The following AKAP6 variants were observed in gnomAD, a reference collection of about 807,000 sequenced individuals.
AKAP6 encodes A-kinase anchor protein 6.
AKAP6 carries 58 observed loss-of-function variants against 188.5 expected under a neutral mutation model. The observed-to-expected ratio is 0.31, with a 90% confidence interval of 0.25 to 0.38. The LOEUF (loss-of-function observed/expected upper bound fraction) is 0.38. Ranked by LOEUF, AKAP6 falls within the 10% of genes least tolerant of loss-of-function variation. AKAP6 has a pLI of 1.00. For missense variants in AKAP6, 2,710 were observed against 2,740.0 expected (o/e 0.99, Z 0.24); for synonymous variants, 989 against 998.6 (o/e 0.99, Z 0.18).
At chr14:32,385,828 G>GAT (rs1180904235) in intron 1 of AKAP6, among the ~76,000 whole-genome samples, 6 of 149,526 alleles carry the variant, frequency 4.0e-5, no homozygotes, top group Non-Finnish European at 7.4e-5. Flanking sequence ...TATATATGGT[G>GAT]ATATATATAG....
intron 7 of AKAP6, among the ~76,000 whole-genome samples, chr14:32,633,184 C>T (rs1351743435): frequency 6.6e-6 from 1 of 152,062 alleles, no homozygotes; most frequent in Non-Finnish European, 1.5e-5. Context: ...CAGTCTTTGA[C>T]AGATTTTTAA....
chr14:32,382,019 G>A (rs766456182), intron 1 of AKAP6, among the ~76,000 whole-genome samples: 3 of 152,028 alleles, frequency 2.0e-5, no homozygotes, highest in African/African-American at 7.3e-5. Flanking sequence ...TCTTACCTTT[G>A]GTGTGTTACT....
rs76803834 is a variant in AKAP6 at position 32,623,769 on chromosome 14, T to A, written c.2730+22977T>A. Among the ~76,000 whole-genome samples the A allele has an allele frequency of 1.9e-3, 292 of 152,242 alleles. 8 individuals carry two copies. The East Asian group carries it at 0.045, about 24-fold the overall frequency. On this transcript the variant is annotated intron_variant, in intron 7 of 13. Coordinates refer to ENST00000280979, the MANE Select transcript of AKAP6 (RefSeq NM_004274.5). ...GCATATATGGCCAGGTCTTTAAACTTCCAGTTCATAAAGCCGTATTCCTTG... is the reference window on the plus strand; with the variant it reads ...GCATATATGGCCAGGTCTTTAAACTACCAGTTCATAAAGCCGTATTCCTTG...
At chr14:32,569,309 G>C (rs185661578) in intron 4 of AKAP6, among the ~76,000 whole-genome samples, 1 of 152,166 alleles carries the variant, frequency 6.6e-6, no homozygotes, top group African/African-American at 2.4e-5. Context: ...TTCATTGGGC[G>C]TTTCAGTATT....
intron 9 of AKAP6, among the ~76,000 whole-genome samples, chr14:32,718,889 A>C (rs2139778904): frequency 6.6e-6 from 1 of 152,230 alleles, no homozygotes; most frequent in Admixed American, 6.5e-5. Context: ...CTACATTTAA[A>C]CCATAATGCT....
intron 2 of AKAP6, among the ~76,000 whole-genome samples, chr14:32,455,194 C>T (rs987283128): frequency 1.3e-5 from 2 of 151,748 alleles, no homozygotes; most frequent in African/African-American, 4.8e-5. Context: ...GTTGCCCAGG[C>T]TGGTCTCAAG....
intron 11 of AKAP6, among the ~76,000 whole-genome samples, chr14:32,740,966 TTAA>T (rs1299672496): frequency 6.6e-6 from 1 of 151,954 alleles, no homozygotes; most frequent in African/African-American, 2.4e-5. Flanking sequence ...TATGGATGTT[TTAA>T]TAATATTGAT....
intron 2 of AKAP6, among the ~76,000 whole-genome samples, chr14:32,440,158 T>C (rs938225905): frequency 2.6e-5 from 4 of 152,192 alleles, no homozygotes; most frequent in African/African-American, 9.6e-5. Context: ...GCTTCATCCA[T>C]GTCCCTACAA....
intron 2 of AKAP6, among the ~76,000 whole-genome samples, chr14:32,476,237 A>G (rs1221894442): frequency 6.6e-6 from 1 of 152,192 alleles, no homozygotes; most frequent in Non-Finnish European, 1.5e-5. Flanking sequence ...AGTGACAAAA[A>G]TTCTGACCTC....
chr14:32,514,736 A>G (rs779323161), intron 2 of AKAP6, among the ~76,000 whole-genome samples: 7 of 152,224 alleles, frequency 4.6e-5, no homozygotes, highest in Non-Finnish European at 8.8e-5. Context: ...AAAAAGCAAC[A>G]GGTGGTATAG....
chr14:32,349,152 G>A (rs1018721630), intron 1 of AKAP6, among the ~76,000 whole-genome samples: 1 of 152,182 alleles, frequency 6.6e-6, no homozygotes, highest in Non-Finnish European at 1.5e-5. Context: ...GATCTGTAGG[G>A]CAATGGCCAT....
At chr14:32,491,900 T>C (rs1386807477) in intron 2 of AKAP6, among the ~76,000 whole-genome samples, 1 of 152,134 alleles carries the variant, frequency 6.6e-6, no homozygotes, top group Non-Finnish European at 1.5e-5. Context: ...TTTAACTAAA[T>C]CATTTTAATT....
At chr14:32,539,368 C>T (rs1324319681) in intron 3 of AKAP6, among the ~76,000 whole-genome samples, 1 of 152,092 alleles carries the variant, frequency 6.6e-6, no homozygotes, top group African/African-American at 2.4e-5. Flanking sequence ...CACAACATAG[C>T]ACTTTGTGGG....
chr14:32,698,915 C>T (rs141789541), intron 9 of AKAP6, among the ~76,000 whole-genome samples: 180 of 152,118 alleles, frequency 1.2e-3, no homozygotes, highest in Admixed American at 9.2e-3. Context: ...AGAGCAGGAC[C>T]GAATCTTTAT....
chr14:32,563,112 T>G (rs747672718), intron 4 of AKAP6, among the ~76,000 whole-genome samples: 27 of 152,230 alleles, frequency 1.8e-4, no homozygotes, highest in Non-Finnish European at 3.2e-4. Flanking sequence ...TAGATGGAAC[T>G]CCACAGTAAA....
At chr14:32,573,234 G>T (rs1884572708) in intron 4 of AKAP6, among the ~76,000 whole-genome samples, 1 of 152,188 alleles carries the variant, frequency 6.6e-6, no homozygotes, top group Non-Finnish European at 1.5e-5. Flanking sequence ...GCCTTTCAAA[G>T]GTTTGTAATT....
At chr14:32,637,123 C>G (rs1338989348) in intron 7 of AKAP6, among the ~76,000 whole-genome samples, 2 of 152,026 alleles carry the variant, frequency 1.3e-5, no homozygotes, top group Non-Finnish European at 2.9e-5. Flanking sequence ...ACTGTGTACT[C>G]CATAGGTTGT....
Position 32,830,661 on chromosome 14 carries a change from G to C in AKAP6, c.*856G>C, listed in dbSNP as rs1040602033. Reference sequence around the variant, plus strand: ...ATGTGTGAATAATTTCTGTATATATGTATAACCAAGTACAAACATTGATGT... The same window carrying C: ...ATGTGTGAATAATTTCTGTATATATCTATAACCAAGTACAAACATTGATGT... On this transcript the variant is annotated 3_prime_UTR_variant, in exon 14 of 14. Transcript: ENST00000280979. The C allele has an allele frequency of 6.6e-6, 1 of 152,612 alleles. No individual in the cohort carries two copies. The highest frequency in any genetic ancestry group is 2.4e-5 in the African/African-American group (1 of 41,452). The allele number at this position is 152,612 out of a possible 1,614,324, so 9.5% of individuals were successfully genotyped here.
At chr14:32,782,801 G>A (rs1358019645) in intron 12 of AKAP6, among the ~76,000 whole-genome samples, 1 of 151,162 alleles carries the variant, frequency 6.6e-6, no homozygotes, top group Non-Finnish European at 1.5e-5. Context: ...TGGATCAGAG[G>A]ATACAATATT....
Sources: allele counts gnomAD v4.1 joint callset (sites outside exome capture counted in the v4.1 genomes callset), GRCh38; gene constraint gnomAD v4.1.1; transcripts MANE v1.5; gene names NCBI Gene and HGNC (gene_info 2026-07-23, HGNC 2026-07-21).